PRKN: variants seen among roughly 807,000 people sequenced by gnomAD.
PRKN encodes the protein parkin RBR E3 ubiquitin protein ligase.
In PRKN, 56 loss-of-function variants were observed where a neutral mutation model predicts 59.5. That is an observed-to-expected ratio of 0.94 (90% CI 0.76 to 1.18). The LOEUF is 1.18. Ranked by LOEUF, PRKN falls within the 50% of genes most tolerant of loss-of-function variation. PRKN has a pLI of 0.00. For missense variants in PRKN, 657 were observed against 596.4 expected (o/e 1.10, Z -1.06); for synonymous variants, 250 against 222.1 (o/e 1.13, Z -1.12).
rs575028164 is a variant in PRKN at position 161,395,967 on chromosome 6, G to T, written c.1084-9090C>A. On this transcript the variant is annotated intron_variant, in intron 9 of 11. Transcript: ENST00000366898. The surrounding 1 kb of genome is among the most constrained non-coding windows in gnomAD (Gnocchi z 5.0). ...GGTCCAGGTTAGAGAGAAAGAAACA[G>T]TGAATGGGGGAACGGCAGCTTCCCT... Among the ~76,000 whole-genome samples, 5 of 152,246 alleles carry T rather than the reference G, an allele frequency of 3.3e-5. No individual in the cohort carries two copies. The South Asian group carries it at 1.0e-3, about 32-fold the overall frequency.
At chr6:161,872,018 G>T (rs1277251764) in intron 6 of PRKN, among the ~76,000 whole-genome samples, 1 of 152,112 alleles carries the variant, frequency 6.6e-6, no homozygotes, top group Non-Finnish European at 1.5e-5. Flanking sequence ...AAATATTTCA[G>T]TGACTCTTCA....
chr6:161,373,727 G>A lies in PRKN; in HGVS notation c.1167+13067C>T, dbSNP rs1243004530. Among the ~76,000 whole-genome samples, 1 of 152,168 alleles carries A rather than the reference G, an allele frequency of 6.6e-6. No individual in the cohort carries two copies. The highest frequency in any genetic ancestry group is 2.4e-5 in the African/African-American group (1 of 41,440). ...TCTGTGCTTGCAAGGAACAAGTGTAGAGCAGGTGAACCGTTTTCCTCACAC... is the reference window on the plus strand; with the variant it reads ...TCTGTGCTTGCAAGGAACAAGTGTAAAGCAGGTGAACCGTTTTCCTCACAC... On this transcript the variant is annotated intron_variant, in intron 10 of 11. Coordinates refer to ENST00000366898, the MANE Select transcript of PRKN (RefSeq NM_004562.3). This position sits in a 1 kb window ranked among gnomAD's most constrained non-coding sequence, Gnocchi z 4.8.
intron 2 of PRKN, among the ~76,000 whole-genome samples, chr6:162,266,079 C>T (rs1010131697): frequency 6.6e-6 from 1 of 152,154 alleles, no homozygotes; most frequent in African/African-American, 2.4e-5. Context: ...AGCATGTGAG[C>T]TTTGCCACAG....
intron 4 of PRKN, among the ~76,000 whole-genome samples, chr6:162,157,112 C>T (rs1782546790): frequency 6.6e-6 from 1 of 151,958 alleles, no homozygotes; most frequent in African/African-American, 2.4e-5. Context: ...AAAAAAACTA[C>T]TGGCAAGCCA....
At chr6:162,172,356 T>C (rs1783322276) in intron 4 of PRKN, among the ~76,000 whole-genome samples, 1 of 152,160 alleles carries the variant, frequency 6.6e-6, no homozygotes, top group South Asian at 2.1e-4. Flanking sequence ...GTGGCTGAGC[T>C]GTTTCATCTG....
At chr6:162,438,469 G>C (rs1583573063) in intron 2 of PRKN, among the ~76,000 whole-genome samples, 2 of 151,730 alleles carry the variant, frequency 1.3e-5, no homozygotes, top group African/African-American at 4.8e-5. Flanking sequence ...GGGTAGGTCT[G>C]CTGGTGACAA....
intron 6 of PRKN, among the ~76,000 whole-genome samples, chr6:161,880,841 C>G (rs1298561464): frequency 6.6e-6 from 1 of 152,104 alleles, no homozygotes; most frequent in Non-Finnish European, 1.5e-5. Context: ...GAGCAGCGGC[C>G]CTTGTTCTGA....
chr6:161,786,626 C>A (rs530495006), intron 6 of PRKN, among the ~76,000 whole-genome samples: 2 of 151,992 alleles, frequency 1.3e-5, no homozygotes, highest in Non-Finnish European at 2.9e-5. Context: ...TTAATTATAA[C>A]TATGTTATAA....
At chr6:161,678,764 A>G (rs1434393036) in intron 7 of PRKN, among the ~76,000 whole-genome samples, 1 of 151,974 alleles carries the variant, frequency 6.6e-6, no homozygotes, top group Non-Finnish European at 1.5e-5. Context: ...ATGGGGTTTC[A>G]CCACATTGCC....
chr6:161,599,048 GCCGAGGAATGCCGACT>G (rs1275137792), intron 7 of PRKN, among the ~76,000 whole-genome samples: 1 of 152,140 alleles, frequency 6.6e-6, no homozygotes, highest in Admixed American at 6.5e-5. Context: ...GCAGCCACAA[GCCGAGGAATGCCGACT>G]CCTGGCAACA....
chr6:161,439,703 AT>A (rs11451451), intron 9 of PRKN, among the ~76,000 whole-genome samples: 4,154 of 151,604 alleles, frequency 0.027, 126 homozygotes, highest in African/African-American at 0.074. Context: ...AGGAAGCTAG[AT>A]TTTTTTTTAT....
At chr6:162,483,181 A>G (rs1214893609) in intron 1 of PRKN, among the ~76,000 whole-genome samples, 1 of 152,134 alleles carries the variant, frequency 6.6e-6, no homozygotes, top group Non-Finnish European at 1.5e-5. Flanking sequence ...TATGCACAAA[A>G]CCCAGTCTCA....
intron 1 of PRKN, among the ~76,000 whole-genome samples, chr6:162,472,029 T>G (rs1279292422): frequency 6.6e-6 from 1 of 152,198 alleles, no homozygotes; most frequent in African/African-American, 2.4e-5. Context: ...TCAGTCAGAT[T>G]GATTGATGCA....
chr6:162,675,288 T>C (rs1779498184), intron 1 of PRKN, among the ~76,000 whole-genome samples: 1 of 151,086 alleles, frequency 6.6e-6, no homozygotes, highest in Non-Finnish European at 1.5e-5. Context: ...GACCTCATGA[T>C]CCCCCCCGCC....
At chr6:162,676,561 G>A (rs1779553405) in intron 1 of PRKN, among the ~76,000 whole-genome samples, 1 of 152,090 alleles carries the variant, frequency 6.6e-6, no homozygotes, top group African/African-American at 2.4e-5. Context: ...AGGCAGATGG[G>A]GACAGGGTAT....
chr6:162,530,478 A>T (rs1778465043), intron 1 of PRKN, among the ~76,000 whole-genome samples: 1 of 152,182 alleles, frequency 6.6e-6, no homozygotes. Context: ...GTTCCGGGTT[A>T]AAGTCCGAGA....
At chr6:161,558,286 G>A (rs767731331) in intron 8 of PRKN, among the ~76,000 whole-genome samples, 8 of 152,084 alleles carry the variant, frequency 5.3e-5, no homozygotes, top group Admixed American at 2.0e-4. Flanking sequence ...ATTCAGTCAG[G>A]TATAGTGACT....
chr6:161,934,851 T>C (rs748847958), intron 6 of PRKN, among the ~76,000 whole-genome samples: 1 of 152,100 alleles, frequency 6.6e-6, no homozygotes, highest in Non-Finnish European at 1.5e-5. Flanking sequence ...AAAATAGAAG[T>C]TTCAGGATGT....
At position 161,413,868 on chromosome 6, in the gene PRKN, G is replaced by C. The variant is rs1416738585; in HGVS notation, c.1084-26991C>G. On this transcript the variant is annotated intron_variant, in intron 9 of 11. Coordinates refer to ENST00000366898, the MANE Select transcript of PRKN (RefSeq NM_004562.3). The surrounding 1 kb of genome is among the most constrained non-coding windows in gnomAD (Gnocchi z 4.4). ...AGGGAGCATTTACAGCATGAAGTCA[G>C]GCAGGGTGAGCCTCACCCAGCTGCT... 6.6e-6 allele frequency among the ~76,000 whole-genome samples: 1 copy of C among 152,158 alleles called. No homozygotes were observed. The highest frequency in any genetic ancestry group is 1.5e-5 in the Non-Finnish European group (1 of 68,038).
Sources: gnomAD v4.1 joint callset for allele counts (sites outside exome capture counted in the v4.1 genomes callset) on GRCh38, gnomAD v4.1.1 for gene constraint, Gnocchi (gnomAD v3.1) non-coding constraint, MANE v1.5 for transcripts, NCBI Gene and HGNC (gene_info 2026-07-23, HGNC 2026-07-21) for gene names.